Variants in FLRT1 observed in about 807,000 individuals in gnomAD.
FLRT1 encodes the protein fibronectin leucine rich transmembrane protein 1.
FLRT1 carries 14 observed loss-of-function variants against 30.9 expected under a neutral mutation model. That is an observed-to-expected ratio of 0.45 (90% CI 0.30 to 0.71). The LOEUF is 0.71. Among genes scored for constraint, FLRT1 ranks in the 30% least tolerant of loss-of-function variants. FLRT1 has a pLI of 0.08. For synonymous variants in FLRT1, 368 were observed against 430.4 expected, an observed-to-expected ratio of 0.85 and a Z score of 1.80; for missense variants, 737 against 949.2, an observed-to-expected ratio of 0.78 and a Z score of 2.94.
At chr11:64,060,033 G>A (rs1590852664) in intron 1 of FLRT1, among the ~76,000 whole-genome samples, 1 of 152,214 alleles carries the variant, frequency 6.6e-6, no homozygotes, top group African/African-American at 2.4e-5. Flanking sequence ...CACACGGCAG[G>A]GGGGAATGGC....
At chr11:64,043,787 C>T (rs1943533440) in intron 1 of FLRT1, among the ~76,000 whole-genome samples, 1 of 151,724 alleles carries the variant, frequency 6.6e-6, no homozygotes. Flanking sequence ...GTGATTGGAC[C>T]AAGGTCACGT....
At chr11:64,095,780 A>C (rs1257584275) in intron 1 of FLRT1, among the ~76,000 whole-genome samples, 1 of 152,190 alleles carries the variant, frequency 6.6e-6, no homozygotes, top group African/African-American at 2.4e-5. Context: ...CCTTGAAGGA[A>C]GTGAGCAGGG....
intron 1 of FLRT1, among the ~76,000 whole-genome samples, chr11:64,092,555 C>A (rs1227732340): frequency 6.6e-6 from 1 of 152,242 alleles, no homozygotes; most frequent in Non-Finnish European, 1.5e-5. Context: ...GGTCATGACA[C>A]GTGCCTTCCC....
intron 1 of FLRT1, among the ~76,000 whole-genome samples, chr11:64,092,566 A>G (rs1944508777): frequency 6.6e-6 from 1 of 152,190 alleles, no homozygotes; most frequent in African/African-American, 2.4e-5. Context: ...GTGCCTTCCC[A>G]TGGCCCAGCC....
chr11:64,038,967 G>A (rs1311029458), intron 1 of FLRT1, among the ~76,000 whole-genome samples: 46 of 152,214 alleles, frequency 3.0e-4, no homozygotes. Flanking sequence ...GTTTCTAGCA[G>A]AGTTCATGCC....
At chr11:64,070,325 C>T (rs924411772) in intron 1 of FLRT1, among the ~76,000 whole-genome samples, 9 of 152,122 alleles carry the variant, frequency 5.9e-5, no homozygotes, top group Non-Finnish European at 2.9e-5. Context: ...TCCCTGGGGG[C>T]CTCGGAGCTG....
At chr11:64,046,181 G>A (rs1190021598) in intron 1 of FLRT1, among the ~76,000 whole-genome samples, 3 of 152,178 alleles carry the variant, frequency 2.0e-5, no homozygotes, top group African/African-American at 4.8e-5. Context: ...CTGGCCTCCT[G>A]AGCCTCTGTT....
chr11:64,039,294 C>CT (rs1943440662), intron 1 of FLRT1, among the ~76,000 whole-genome samples: 1 of 152,128 alleles, frequency 6.6e-6, no homozygotes, highest in Non-Finnish European at 1.5e-5. Flanking sequence ...GTGGGGACTG[C>CT]CCCGGGGGTA....
At chr11:64,042,838 C>T (rs1394758389) in intron 1 of FLRT1, among the ~76,000 whole-genome samples, 2 of 152,274 alleles carry the variant, frequency 1.3e-5, no homozygotes, top group East Asian at 3.9e-4. Flanking sequence ...TTGGGCTAGC[C>T]AGAGGGGCTG....
At chr11:64,091,242 G>A (rs12805344) in intron 1 of FLRT1, among the ~76,000 whole-genome samples, 16,327 of 152,118 alleles carry the variant, frequency 0.11, 981 homozygotes, top group Non-Finnish European at 0.13. Context: ...TGCAGCCCAC[G>A]GAGTGTGGGA....
intron 1 of FLRT1, among the ~76,000 whole-genome samples, chr11:64,072,550 C>T (rs1944129834): frequency 6.6e-6 from 1 of 152,174 alleles, no homozygotes; most frequent in Non-Finnish European, 1.5e-5. Context: ...AATAACATAG[C>T]AGCTGCGCTG....
intron 1 of FLRT1, among the ~76,000 whole-genome samples, chr11:64,066,474 C>T (rs913480302): frequency 9.2e-5 from 14 of 151,426 alleles, no homozygotes; most frequent in South Asian, 2.1e-4. Context: ...AAAAAATTAG[C>T]GGAGTGTGGT....
chr11:64,093,759 G>T (rs529126444), intron 1 of FLRT1, among the ~76,000 whole-genome samples: 2 of 152,204 alleles, frequency 1.3e-5, no homozygotes, highest in Non-Finnish European at 2.9e-5. Context: ...GTGTCTCTAA[G>T]AGCCCAGAAC....
At position 64,117,153 on chromosome 11, in the gene FLRT1, C is replaced by G; in HGVS notation, c.886C>G (p.Leu296Val). 6.2e-7 allele frequency: 1 copy of G among 1,613,810 alleles called. No homozygotes were observed. The highest frequency in any genetic ancestry group is 8.5e-7 in the Non-Finnish European group (1 of 1,179,936). Reference protein sequence around the residue: ...PYNTLAKMRELERLDLSNNNL... With the variant: ...PYNTLAKMREVERLDLSNNNL... ...CAACACGCTGGCCAAGATGCGTGAG[C>G]TGGAGCGGCTGGACCTGTCCAACAA... The change falls in exon 3 of 3, where the codon CTG becomes GTG. Residue 296 changes from leucine to valine, a missense_variant. Coordinates refer to ENST00000682287, the MANE Select transcript of FLRT1 (RefSeq NM_013280.5).
chr11:64,046,219 C>T (rs1943581547), intron 1 of FLRT1, among the ~76,000 whole-genome samples: 1 of 152,178 alleles, frequency 6.6e-6, no homozygotes, highest in Admixed American at 6.5e-5. Flanking sequence ...CCCACTGGGT[C>T]CCCAGTCCCT....
Position 64,083,845 on chromosome 11 carries a change from C to T in FLRT1, c.-1037-19349C>T, listed in dbSNP as rs556626494. The stretch of plus-strand genomic sequence containing the variant: ...AACAGACCGACGGATCTGCCAGGGC[C>T]GGTGAGGGGCGCTGACCTGGGGGGT... On this transcript the variant is annotated intron_variant, in intron 1 of 2. Transcript: ENST00000682287. Among the ~76,000 whole-genome samples the T allele has an allele frequency of 5.9e-5, 9 of 152,270 alleles. No individual in the cohort carries two copies. In the South Asian group the frequency reaches 1.2e-3, roughly 21 times the overall value.
intron 1 of FLRT1, among the ~76,000 whole-genome samples, chr11:64,097,161 C>T (rs979131554): frequency 7.9e-5 from 12 of 152,230 alleles, no homozygotes; most frequent in African/African-American, 2.9e-4. Flanking sequence ...AGGGAACCCT[C>T]CCCCTCTGCA....
Position 64,118,424 on chromosome 11 carries a change from A to G in FLRT1, c.*132A>G. ...TGGGTGACTTTCCTCCGCAGAAAGC[A>G]AAGTTTGGGGAGGGCTGACGATTTT... On this transcript the variant is annotated 3_prime_UTR_variant, in exon 3 of 3. Transcript: ENST00000682287. The G allele has an allele frequency of 8.4e-7, 1 of 1,191,364 alleles. No homozygotes were observed. Among genetic ancestry groups the G allele is most frequent in the Non-Finnish European group, 1.1e-6 (1 of 894,050 alleles). 73.8% of individuals were successfully genotyped at this position (1,191,364 alleles called of 1,614,324 possible). A position where few individuals can be genotyped will look rare whatever the true frequency, so the allele number is the denominator to read the frequency against.
In FLRT1 at chr11:64,117,037, G is replaced by A. The variant is rs770733612; in HGVS notation, c.770G>A (p.Arg257His). 5.6e-6 allele frequency: 9 copies of A among 1,608,736 alleles called. No homozygotes were observed. The highest frequency in any genetic ancestry group is 2.3e-5 in the East Asian group (1 of 44,436). Residue 257 changes from arginine to histidine, a missense_variant, in exon 3 of 3, where the codon CGC becomes CAC. Coordinates refer to ENST00000682287, the MANE Select transcript of FLRT1 (RefSeq NM_013280.5). ...LQNLTELSLV[R>H]NSLAAPPLNL... ...AACCTCACAGAGCTCTCGCTGGTGCGCAATTCGCTGGCCGCGCCACCCCTC... is the reference window on the plus strand; with the variant it reads ...AACCTCACAGAGCTCTCGCTGGTGCACAATTCGCTGGCCGCGCCACCCCTC...
Sources: allele counts gnomAD v4.1 joint callset (sites outside exome capture counted in the v4.1 genomes callset), GRCh38; gene constraint gnomAD v4.1.1; transcripts MANE v1.5; gene names NCBI Gene and HGNC (gene_info 2026-07-23, HGNC 2026-07-21).